Variants in SNRNP40 observed in about 807,000 individuals in gnomAD.
SNRNP40 encodes the protein small nuclear ribonucleoprotein U5 subunit 40, also known as U5 small nuclear ribonucleoprotein 40 kDa protein.
SNRNP40 carries 21 observed loss-of-function variants against 45.8 expected under a neutral mutation model. The ratio of observed to expected loss-of-function variants is 0.46; its 90% CI spans 0.32 to 0.66. The LOEUF (loss-of-function observed/expected upper bound fraction) is 0.66. Ranked by LOEUF, SNRNP40 falls within the 30% of genes least tolerant of loss-of-function variation. SNRNP40 has a pLI of 0.03. For synonymous variants in SNRNP40, 142 were observed against 163.8 expected (o/e 0.87, Z 1.01); for missense variants, 344 against 439.1 (o/e 0.78, Z 1.94).
chr1:31,280,635 G>A (rs946400770), intron 5 of SNRNP40, among the ~76,000 whole-genome samples: 2 of 152,160 alleles, frequency 1.3e-5, no homozygotes, highest in Non-Finnish European at 2.9e-5. Flanking sequence ...AAGCCAAGAG[G>A]AAAGGAAGAC....
chr1:31,260,910 G>A (rs1645854069), intron 9 of SNRNP40: 3 of 785,686 alleles, frequency 3.8e-6, no homozygotes, highest in East Asian at 1.2e-4. Flanking sequence ...ATACATCATT[G>A]AAACAGACTT....
At chr1:31,273,538 G>A (rs781191765) in intron 5 of SNRNP40, among the ~76,000 whole-genome samples, 3 of 152,082 alleles carry the variant, frequency 2.0e-5, no homozygotes, top group Non-Finnish European at 4.4e-5. Flanking sequence ...TACTCGGGAG[G>A]CTGAGGCAGA....
Position 31,289,324 on chromosome 1 carries a change from A to G in SNRNP40, c.461T>C (p.Val154Ala). ...VKRLKGHTSFVNSCYPARRGP... is the reference protein window; with the variant it reads ...VKRLKGHTSFANSCYPARRGP... The stretch of plus-strand genomic sequence containing the variant: ...TCTCCTGGCTGGATAACAGGAATTC[A>G]CAAAGGAAGTATGTCCCTTTAGCCT... Residue 154 changes from valine to alanine, a missense_variant, in exon 4 of 10, where the codon GTG (valine) becomes GCG (alanine). Around this residue, in one of 2 missense-constraint regions of SNRNP40, gnomAD observed 254 missense variants for 380.2 expected, o/e 0.67. Transcript: ENST00000263694. 1.9e-6 allele frequency: 3 copies of G among 1,613,842 alleles called. No individual in the cohort carries two copies. In the African/African-American group the frequency reaches 4.0e-5, roughly 22 times the overall value.
At chr1:31,261,199 A>C (rs1645856757) in intron 9 of SNRNP40, 1 of 349,548 alleles carries the variant, frequency 2.9e-6, no homozygotes, top group Non-Finnish European at 5.4e-6. Flanking sequence ...AAAAAAAAAA[A>C]AATTAGCTGG....
At chr1:31,272,658 G>A (rs138431923) in intron 5 of SNRNP40, among the ~76,000 whole-genome samples, 22 of 152,226 alleles carry the variant, frequency 1.4e-4, no homozygotes, top group African/African-American at 5.1e-4. Context: ...CCGGGCACAA[G>A]ACAGGTCCTC....
At chr1:31,261,007 A>G in intron 9 of SNRNP40, 1 of 1,274,762 alleles carries the variant, frequency 7.8e-7, no homozygotes, top group South Asian at 1.3e-5. Flanking sequence ...TACTCTCACC[A>G]CTTATGAGCA....
At chr1:31,268,579 A>G (rs915261108) in intron 7 of SNRNP40, among the ~76,000 whole-genome samples, 17 of 152,288 alleles carry the variant, frequency 1.1e-4, no homozygotes, top group Non-Finnish European at 2.4e-4. Flanking sequence ...AAAAAACAAA[A>G]TTTGATTTAT....
chr1:31,267,538 GT>G (rs904169245), intron 8 of SNRNP40, among the ~76,000 whole-genome samples: 3 of 148,602 alleles, frequency 2.0e-5, no homozygotes, highest in East Asian at 2.0e-4. Context: ...CTATATCATT[GT>G]TTTTTTTTTG....
In SNRNP40 at chr1:31,269,251, A is replaced by T; in HGVS notation, c.776-11T>A. On this transcript the variant is annotated splice_polypyrimidine_tract_variant and intron_variant, in intron 6 of 9. Coordinates refer to ENST00000263694, the MANE Select transcript of SNRNP40 (RefSeq NM_004814.3). Reference sequence around the variant, plus strand: ...CATCCCAGACACGAACTGCAAAACAAATCCAAATAAACAAACCAACCAAAA... The same window carrying T: ...CATCCCAGACACGAACTGCAAAACATATCCAAATAAACAAACCAACCAAAA... 6.2e-7 allele frequency: 1 copy of T among 1,612,888 alleles called. No homozygotes were observed. Among genetic ancestry groups the T allele is most frequent in the Admixed American group, 1.7e-5 (1 of 59,750 alleles).
chr1:31,279,857 C>T (rs1378204104), intron 5 of SNRNP40, among the ~76,000 whole-genome samples: 2 of 151,222 alleles, frequency 1.3e-5, no homozygotes, highest in African/African-American at 4.9e-5. Context: ...ACCCGTAATC[C>T]CAGCACTTTG....
chr1:31,263,211 A>C (rs1239429918), intron 8 of SNRNP40: 2 of 152,200 alleles, frequency 1.3e-5, no homozygotes, highest in African/African-American at 2.4e-5. Flanking sequence ...TAATAACAGA[A>C]GATGTCATAA....
At chr1:31,270,930 T>C (rs1295130936) in intron 6 of SNRNP40, among the ~76,000 whole-genome samples, 5 of 152,166 alleles carry the variant, frequency 3.3e-5, no homozygotes, top group Non-Finnish European at 7.3e-5. Flanking sequence ...AATGTTTTAA[T>C]GAAGACCTCT....
At chr1:31,261,483 G>A (rs749344343) in intron 9 of SNRNP40, 46 bp downstream of exon 9, 42 of 1,275,756 alleles carry the variant, frequency 3.3e-5, no homozygotes, top group Middle Eastern at 2.0e-4. Flanking sequence ...GGATCCCTAC[G>A]GGGAGATTTC....
intron 4 of SNRNP40, 53 bp downstream of exon 4, chr1:31,289,201 A>G: frequency 7.1e-6 from 11 of 1,549,506 alleles, no homozygotes; most frequent in Non-Finnish European, 8.8e-6. Context: ...AAGGCAAGAT[A>G]AGGTTCACAT....
chr1:31,284,537 T>G (rs1176101906), intron 4 of SNRNP40, among the ~76,000 whole-genome samples: 1 of 152,178 alleles, frequency 6.6e-6, no homozygotes, highest in Non-Finnish European at 1.5e-5. Flanking sequence ...GATGTTTCAA[T>G]AAATGAATGA....
At chr1:31,278,397 G>C (rs1645991113) in intron 5 of SNRNP40, among the ~76,000 whole-genome samples, 1 of 152,140 alleles carries the variant, frequency 6.6e-6, no homozygotes, top group African/African-American at 2.4e-5. Context: ...TGGTGGTAGT[G>C]AATCTATGCA....
intron 1 of SNRNP40, among the ~76,000 whole-genome samples, chr1:31,296,162 T>C (rs982520745): frequency 1.3e-5 from 2 of 152,202 alleles, no homozygotes; most frequent in Non-Finnish European, 2.9e-5. Flanking sequence ...AGCTGCTATT[T>C]AGTTGTTAAT....
chr1:31,296,077 T>C (rs1242916543), intron 1 of SNRNP40, among the ~76,000 whole-genome samples: 4 of 152,230 alleles, frequency 2.6e-5, no homozygotes, highest in Non-Finnish European at 4.4e-5. Context: ...GTTAATAACG[T>C]TCCTAACAGG....
Position 31,274,347 on chromosome 1 carries a change from C to T in SNRNP40, c.655-2848G>A, listed in dbSNP as rs567099677. On this transcript the variant is annotated intron_variant, in intron 5 of 9. Transcript: ENST00000263694. ...TGCCTCCCGGGTTCAAGTGATTCTC[C>T]TCCCTCAGCCTCCAGAGTAGCTGGG... is the stretch of plus-strand genomic sequence containing the variant. 3.9e-5 allele frequency among the ~76,000 whole-genome samples: 6 copies of T among 152,188 alleles called. No individual in the cohort carries two copies. In the East Asian group the frequency reaches 9.7e-4, roughly 24 times the overall value.
Sources: gnomAD v4.1 joint callset for allele counts (sites outside exome capture counted in the v4.1 genomes callset) on GRCh38, gnomAD v4.1.1 for gene constraint, gnomAD v4.1.1 regional missense constraint, MANE v1.5 for transcripts, NCBI Gene and HGNC (gene_info 2026-07-23, HGNC 2026-07-21) for gene names.